Variants in FBXO31 observed in about 807,000 individuals in gnomAD.
FBXO31 encodes F-box only protein 31.
FBXO31 carries 24 observed loss-of-function variants against 54.4 expected under a neutral mutation model. That is an observed-to-expected ratio of 0.44 (90% CI 0.32 to 0.62). The LOEUF (loss-of-function observed/expected upper bound fraction) is 0.62. Among genes scored for constraint, FBXO31 ranks in the 20% least tolerant of loss-of-function variants. The pLI is 0.05. For synonymous variants in FBXO31, 388 were observed against 335.6 expected, an observed-to-expected ratio of 1.16 and a Z score of -1.71; for missense variants, 665 against 787.1, an observed-to-expected ratio of 0.84 and a Z score of 1.86.
intron 2 of FBXO31, among the ~76,000 whole-genome samples, chr16:87,359,362 G>A (rs1906034362): frequency 6.6e-6 from 1 of 152,144 alleles, no homozygotes; most frequent in Non-Finnish European, 1.5e-5. Flanking sequence ...CAGTGCTCAG[G>A]CAACACCTCC....
chr16:87,380,551 G>T (rs999552328), intron 1 of FBXO31, among the ~76,000 whole-genome samples: 16 of 152,080 alleles, frequency 1.1e-4, no homozygotes. Flanking sequence ...ACCATGACTG[G>T]CTAACTTTTG....
chr16:87,333,818 G>T, intron 8 of FBXO31, 68 bp downstream of exon 8: 2 of 1,508,330 alleles, frequency 1.3e-6, no homozygotes, highest in South Asian at 2.6e-5. Context: ...TGCTAGGTGT[G>T]GGGCTGGGGC....
chr16:87,363,222 T>C (rs1176510935), intron 1 of FBXO31, among the ~76,000 whole-genome samples: 1 of 152,100 alleles, frequency 6.6e-6, no homozygotes, highest in Admixed American at 6.6e-5. Context: ...CCGTCTCTAC[T>C]GAAAATACAA....
intron 1 of FBXO31, among the ~76,000 whole-genome samples, chr16:87,363,191 C>T (rs1906209999): frequency 6.6e-6 from 1 of 152,080 alleles, no homozygotes; most frequent in Non-Finnish European, 1.5e-5. Flanking sequence ...TCGAGATCAG[C>T]CTGACCAACA....
chr16:87,345,901 C>T lies in FBXO31; in HGVS notation c.489+1273G>A, dbSNP rs76540342. Reference sequence around the variant, plus strand: ...TCTACACAGGAGCCAGGACTACCGCCGCCAAACGCCAAAGATGGCAACCAG... The same window carrying T: ...TCTACACAGGAGCCAGGACTACCGCTGCCAAACGCCAAAGATGGCAACCAG... On this transcript the variant is annotated intron_variant, in intron 3 of 8. Transcript: ENST00000311635. The surrounding 1 kb of genome is among the most constrained non-coding windows in gnomAD (Gnocchi z 4.9). Among the ~76,000 whole-genome samples, 901 of 152,288 alleles carry T rather than the reference C, an allele frequency of 5.9e-3. 4 individuals are homozygous for T. Among genetic ancestry groups the T allele is most frequent in the African/African-American group, 0.021 (854 of 41,556 alleles).
chr16:87,342,153 C>G (rs1905215429), intron 5 of FBXO31, among the ~76,000 whole-genome samples: 1 of 152,142 alleles, frequency 6.6e-6, no homozygotes, highest in Admixed American at 6.5e-5. Flanking sequence ...GCAGTCTCCA[C>G]CTCCTGGGCT....
intron 2 of FBXO31, among the ~76,000 whole-genome samples, chr16:87,359,603 A>C (rs535104661): frequency 5.9e-5 from 9 of 152,350 alleles, no homozygotes; most frequent in African/African-American, 1.2e-4. Context: ...AAAAGAAAAG[A>C]AGCTCAAAGA....
In FBXO31 at chr16:87,370,548, C is replaced by T. The variant is rs1047311942; in HGVS notation, c.341-10182G>A. Among the ~76,000 whole-genome samples the T allele has an allele frequency of 4.6e-5, 7 of 152,042 alleles. No individual in the cohort carries two copies. The East Asian group carries it at 5.8e-4, about 13-fold the overall frequency. On this transcript the variant is annotated intron_variant, in intron 1 of 8. Transcript: ENST00000311635. ...GGTAGGGCTGCGCCAGCCACCGGGC[C>T]GCCAGACCCAGGGGAATAGGAGCCT...
At position 87,331,343 on chromosome 16, in the gene FBXO31, G is replaced by A; in HGVS notation, c.1565C>T (p.Pro522Leu). 6 of 1,613,992 alleles carry A rather than the reference G, an allele frequency of 3.7e-6. No individual in the cohort carries two copies. Among genetic ancestry groups the A allele is most frequent in the African/African-American group, 1.3e-5 (1 of 75,052 alleles). The change falls in exon 9 of 9, where the codon CCG (proline) becomes CTG (leucine). Residue 522 changes from proline (P) to leucine (L), a missense_variant. Transcript: ENST00000311635. ...VQATFRNADA[P>L]SPQAFDEMLK... ...CATCTCATCGAAGGCCTGTGGGGACGGCGCATCTGCGTTCCGGAAGGTGGC... is the reference window on the plus strand; with the variant it reads ...CATCTCATCGAAGGCCTGTGGGGACAGCGCATCTGCGTTCCGGAAGGTGGC...
intron 4 of FBXO31, among the ~76,000 whole-genome samples, chr16:87,343,226 C>G (rs927136150): frequency 6.6e-6 from 1 of 152,272 alleles, no homozygotes; most frequent in Admixed American, 6.5e-5. Flanking sequence ...ATCTCACACA[C>G]AAGGTGTGGC....
chr16:87,383,817 C>T, upstream of FBXO31: 1 of 1,059,386 alleles, frequency 9.4e-7, no homozygotes, highest in African/African-American at 1.7e-5. This position sits in a 1 kb window ranked among gnomAD's most constrained non-coding sequence, Gnocchi z 4.9. Flanking sequence ...AGCGCCGAGC[C>T]ACGCCCCCGC....
intron 1 of FBXO31, 114 bp from the exon 2 acceptor site, chr16:87,360,480 C>T (rs1327261743): frequency 1.3e-6 from 1 of 797,370 alleles, no homozygotes; most frequent in African/African-American, 1.7e-5. Context: ...AGCCCCATCT[C>T]CAGAGTGCAT....
chr16:87,345,980 CTGAG>C lies in FBXO31; in HGVS notation c.489+1190_489+1193del, dbSNP rs1905368193. On this transcript the variant is annotated intron_variant, in intron 3 of 8. Coordinates refer to ENST00000311635, the MANE Select transcript of FBXO31 (RefSeq NM_024735.5). This position sits in a 1 kb window ranked among gnomAD's most constrained non-coding sequence, Gnocchi z 4.9. Reference sequence around the variant, plus strand: ...AGTTGCACGAGGCACCTGCGGAATCCTGAGTGAGGGGTGGGAGGTGGAGGAGGGA... The same window carrying C: ...AGTTGCACGAGGCACCTGCGGAATCCTGAGGGGTGGGAGGTGGAGGAGGGA... 6.6e-6 allele frequency among the ~76,000 whole-genome samples: 1 copy of C among 152,170 alleles called. No individual in the cohort carries two copies. The highest frequency in any genetic ancestry group is 6.5e-5 in the Admixed American group (1 of 15,276).
chr16:87,372,973 G>C (rs917748013), intron 1 of FBXO31, among the ~76,000 whole-genome samples: 16 of 150,732 alleles, frequency 1.1e-4, no homozygotes, highest in African/African-American at 3.4e-4. Flanking sequence ...GACCTCAGGT[G>C]ATCTACCCGC....
At chr16:87,382,240 T>C (rs1907109469) in intron 1 of FBXO31, among the ~76,000 whole-genome samples, 1 of 152,242 alleles carries the variant, frequency 6.6e-6, no homozygotes, top group South Asian at 2.1e-4. Context: ...TACACTACAC[T>C]GTCTCTAAGA....
Position 87,334,109 on chromosome 16 carries a change from G to C in FBXO31, c.1174C>G (p.Arg392Gly). 1 of 1,610,474 alleles carries C rather than the reference G, an allele frequency of 6.2e-7. No homozygotes were observed. The highest frequency in any genetic ancestry group is 8.5e-7 in the Non-Finnish European group (1 of 1,178,528). Residue 392 changes from arginine (R) to glycine (G), a missense_variant, in exon 8 of 9, where the codon CGT becomes GGT. Physicochemically the swap from Arg to Gly is moderately radical, Grantham distance 125. Transcript: ENST00000311635. ...GACTCCCGGGGGCCCTGCCGGCCAC[G>C]ACCCTCGCCCGCCTCGTGCCCGCCT... ...QEGGHEAGEG[R>G]GRQGPRESQP...
chr16:87,344,263 C>G (rs1042074021), intron 3 of FBXO31, among the ~76,000 whole-genome samples: 2 of 152,224 alleles, frequency 1.3e-5, no homozygotes, highest in Admixed American at 6.5e-5. Context: ...TGAAATGCCA[C>G]GGGCCTGGGA....
intron 2 of FBXO31, among the ~76,000 whole-genome samples, chr16:87,354,850 C>G (rs1427221628): frequency 6.6e-6 from 1 of 152,092 alleles, no homozygotes; most frequent in Non-Finnish European, 1.5e-5. Context: ...TGCCTGTAAT[C>G]CCAGCTACTC....
intron 8 of FBXO31, among the ~76,000 whole-genome samples, chr16:87,333,369 G>A (rs1024024830): frequency 6.6e-6 from 1 of 152,216 alleles, no homozygotes; most frequent in African/African-American, 2.4e-5. Flanking sequence ...AGGAGGGAGG[G>A]GGCAGGAAAG....
Sources: allele counts gnomAD v4.1 joint callset (sites outside exome capture counted in the v4.1 genomes callset), GRCh38; gene constraint gnomAD v4.1.1; non-coding constraint Gnocchi (gnomAD v3.1); transcripts MANE v1.5; gene names NCBI Gene and HGNC (gene_info 2026-07-23, HGNC 2026-07-21).